The following ARHGEF18 variants were observed in gnomAD, a reference collection of about 807,000 sequenced individuals.
ARHGEF18 encodes the protein rho guanine nucleotide exchange factor 18.
A neutral mutation model predicts 155.7 loss-of-function variants in ARHGEF18; 93 were observed. The observed-to-expected ratio is 0.60, with a 90% confidence interval of 0.50 to 0.71. ARHGEF18 has a LOEUF of 0.71. Ranked by LOEUF, ARHGEF18 falls within the 30% of genes least tolerant of loss-of-function variation. The probability of loss-of-function intolerance (pLI) is 0.00; values close to 1 mark genes in which losing one functional copy is unlikely to be tolerated. For missense variants in ARHGEF18, 1,593 were observed against 1,816.1 expected (o/e 0.88, Z 2.23); for synonymous variants, 742 against 753.1 (o/e 0.99, Z 0.24).
chr19:7,369,540 C>G (rs145005329), intron 2 of ARHGEF18, among the ~76,000 whole-genome samples: 1 of 150,384 alleles, frequency 6.6e-6, no homozygotes, highest in African/African-American at 2.5e-5. Flanking sequence ...GGCTCATGCC[C>G]GTAATCCCAG....
At chr19:7,428,343 A>G (rs1045094984) in intron 10 of ARHGEF18, among the ~76,000 whole-genome samples, 8 of 152,068 alleles carry the variant, frequency 5.3e-5, no homozygotes, top group Admixed American at 5.2e-4. Context: ...CTTCCTGGCT[A>G]TGGCCTTCCT....
chr19:7,469,900 C>T lies in ARHGEF18; in HGVS notation c.3788-4C>T. ...AGCTGGCCCAAATACCTTCTCTCTTCCAGCGTCCTTCGACCTGAAGCAGCA... is the reference window on the plus strand; with the variant it reads ...AGCTGGCCCAAATACCTTCTCTCTTTCAGCGTCCTTCGACCTGAAGCAGCA... On this transcript the variant is annotated splice_polypyrimidine_tract_variant and splice_region_variant and intron_variant, in intron 27 of 28. Coordinates refer to ENST00000668164, the MANE Select transcript of ARHGEF18 (RefSeq NM_001367823.1). 6.2e-7 allele frequency: 1 copy of T among 1,612,660 alleles called. No individual in the cohort carries two copies. The highest frequency in any genetic ancestry group is 1.1e-5 in the South Asian group (1 of 91,052).
intron 10 of ARHGEF18, among the ~76,000 whole-genome samples, chr19:7,416,435 T>G (rs1175283792): frequency 6.6e-6 from 1 of 151,636 alleles, no homozygotes; most frequent in African/African-American, 2.4e-5. Context: ...ATAATAAATT[T>G]TTTAGAAAAT....
rs1266824333 is a variant in ARHGEF18, at chr19:7,471,265, A to AGACGTTGCAGCAAGT, written c.*969_*983dup. The AGACGTTGCAGCAAGT allele has an allele frequency of 1.3e-5, 2 of 157,022 alleles. No homozygotes were observed. Among genetic ancestry groups the AGACGTTGCAGCAAGT allele is most frequent in the African/African-American group, 2.4e-5 (1 of 41,622 alleles). 9.7% of individuals were successfully genotyped at this position (157,022 alleles called of 1,614,324 possible). A position where few individuals can be genotyped will look rare whatever the true frequency, so the allele number is the denominator to read the frequency against. On this transcript the variant is annotated 3_prime_UTR_variant, in exon 29 of 29. Transcript: ENST00000668164. The surrounding 1 kb of genome is among the most constrained non-coding windows in gnomAD (Gnocchi z 4.4). ...CAGGGCATGCAGAGGATGCACCTAG[A>AGACGTTGCAGCAAGT]GACGTTGCAGCAAGTGGACAAGTGG...
intron 10 of ARHGEF18, among the ~76,000 whole-genome samples, chr19:7,410,795 G>A (rs570052565): frequency 6.8e-4 from 79 of 115,516 alleles, no homozygotes; most frequent in African/African-American, 2.3e-3. Context: ...GGGCAGCAGC[G>A]TGAGACTCCA....
downstream of ARHGEF18, among the ~76,000 whole-genome samples, chr19:7,475,146 T>C (rs544765934): frequency 8.5e-5 from 13 of 152,214 alleles, no homozygotes; most frequent in Admixed American, 6.5e-5. Context: ...GGCAGAGAAT[T>C]GCTTGAACCC....
rs936758547 is a variant in ARHGEF18 at position 7,421,876 on chromosome 19, T to C, written c.968-18468T>C. ...CCTGGGTGGCATTTCAGACTGACCATGTCTGCTGGGAGAGCTGTTCTTTTT... is the reference window on the plus strand; with the variant it reads ...CCTGGGTGGCATTTCAGACTGACCACGTCTGCTGGGAGAGCTGTTCTTTTT... On this transcript the variant is annotated intron_variant, in intron 10 of 28. Coordinates refer to ENST00000668164, the MANE Select transcript of ARHGEF18 (RefSeq NM_001367823.1). Among the ~76,000 whole-genome samples the C allele has an allele frequency of 3.9e-5, 6 of 152,280 alleles. No individual in the cohort carries two copies. The East Asian group carries it at 1.2e-3, about 29-fold the overall frequency.
intron 10 of ARHGEF18, among the ~76,000 whole-genome samples, chr19:7,387,708 C>T (rs1971163713): frequency 3.3e-5 from 5 of 152,154 alleles, no homozygotes; most frequent in Admixed American, 2.0e-4. Context: ...CTCGCTCTGT[C>T]GCCCACGCCA....
chr19:7,400,514 T>C (rs1329691362), intron 10 of ARHGEF18, among the ~76,000 whole-genome samples: 2 of 151,978 alleles, frequency 1.3e-5, no homozygotes, highest in Non-Finnish European at 2.9e-5. Flanking sequence ...GGAGTTGGTC[T>C]GGAGAAAGTC....
At position 7,447,263 on chromosome 19, in the gene ARHGEF18, G is replaced by C. The variant is rs1277720576; in HGVS notation, c.1737+95G>C. The C allele has an allele frequency of 6.5e-6, 8 of 1,239,532 alleles. No individual in the cohort carries two copies. The African/African-American group carries it at 7.7e-5, about 12-fold the overall frequency. 76.8% of individuals were successfully genotyped at this position (1,239,532 alleles called of 1,614,324 possible). A position where few individuals can be genotyped will look rare whatever the true frequency, so the allele number is the denominator to read the frequency against. ...CCCAGCACTTTGGGAGTCTGAGGCG[G>C]GCGGATCACAAGGCCAGGAGATCGA... is the stretch of plus-strand genomic sequence containing the variant. On this transcript the variant is annotated intron_variant, in intron 15 of 28. Transcript: ENST00000668164.
At chr19:7,420,816 C>T (rs1300288954) in intron 10 of ARHGEF18, among the ~76,000 whole-genome samples, 1 of 152,174 alleles carries the variant, frequency 6.6e-6, no homozygotes, top group Non-Finnish European at 1.5e-5. Context: ...TCACACCCGT[C>T]GTGGAGAGGA....
At chr19:7,382,348 T>C (rs1047467941) in intron 8 of ARHGEF18, among the ~76,000 whole-genome samples, 1 of 151,614 alleles carries the variant, frequency 6.6e-6, no homozygotes, top group African/African-American at 2.4e-5. Context: ...TGAGCCGAGA[T>C]TGCACCACTG....
intron 1 of ARHGEF18, among the ~76,000 whole-genome samples, chr19:7,352,391 A>G (rs1305914078): frequency 1.3e-5 from 2 of 151,760 alleles, no homozygotes; most frequent in Non-Finnish European, 2.9e-5. Context: ...TTTCCCCAAC[A>G]TAAGATTGCT....
intron 13 of ARHGEF18, among the ~76,000 whole-genome samples, chr19:7,442,999 C>G (rs1166160044): frequency 6.6e-6 from 1 of 151,866 alleles, no homozygotes; most frequent in African/African-American, 2.4e-5. Context: ...AAGCAATTGT[C>G]CTGCCTCAGC....
intron 10 of ARHGEF18, among the ~76,000 whole-genome samples, chr19:7,402,980 A>G (rs112055950): frequency 0.029 from 4,384 of 152,300 alleles, 104 homozygotes; most frequent in South Asian, 0.079. Context: ...CACATACCAC[A>G]GAACTCACCC....
At chr19:7,442,116 T>TCCTCCCTC in intron 13 of ARHGEF18, 64 bp downstream of exon 13, 22 of 1,530,310 alleles carry the variant, frequency 1.4e-5, no homozygotes, top group Admixed American at 1.8e-5. Context: ...CTCCCTCCCT[T>TCCTCCCTC]CCTCCCTCCC....
chr19:7,413,584 A>C (rs1972825491), intron 10 of ARHGEF18, among the ~76,000 whole-genome samples: 1 of 146,212 alleles, frequency 6.8e-6, no homozygotes, highest in South Asian at 2.3e-4. Context: ...TACAGGCGTG[A>C]GCCACTGCGC....
chr19:7,462,396 C>T lies in ARHGEF18; in HGVS notation c.2635+62C>T, dbSNP rs1976329042. 1 of 1,484,788 alleles carries T rather than the reference C, an allele frequency of 6.7e-7. No individual in the cohort carries two copies. Among genetic ancestry groups the T allele is most frequent in the Non-Finnish European group, 8.9e-7 (1 of 1,118,772 alleles). 92.0% of individuals were successfully genotyped at this position (1,484,788 alleles called of 1,614,324 possible). A position where few individuals can be genotyped will look rare whatever the true frequency, so the allele number is the denominator to read the frequency against. ...GCCGGGGTGGGCTCCTCAGGGAACC[C>T]CAGGCCAGGCTCACGGCTCATTGTG... On this transcript the variant is annotated intron_variant, in intron 21 of 28. Transcript: ENST00000668164. The surrounding 1 kb of genome is among the most constrained non-coding windows in gnomAD (Gnocchi z 4.4).
intron 10 of ARHGEF18, among the ~76,000 whole-genome samples, chr19:7,432,973 G>A (rs577947224): frequency 4.7e-4 from 71 of 151,860 alleles, no homozygotes; most frequent in Non-Finnish European, 4.9e-4. Flanking sequence ...CAGCCTGGGC[G>A]ACATAATGAG....
Sources: allele counts gnomAD v4.1 joint callset (sites outside exome capture counted in the v4.1 genomes callset), GRCh38; gene constraint gnomAD v4.1.1; non-coding constraint Gnocchi (gnomAD v3.1); transcripts MANE v1.5; gene names NCBI Gene and HGNC (gene_info 2026-07-23, HGNC 2026-07-21).